GXYLT2: variants seen among roughly 807,000 people sequenced by gnomAD.
GXYLT2 encodes the protein glucoside xylosyltransferase 2.
GXYLT2 carries 53 observed loss-of-function variants against 45.8 expected under a neutral mutation model. The observed-to-expected ratio is 1.16, with a 90% CI of 0.93 to 1.46. The LOEUF (loss-of-function observed/expected upper bound fraction) is 1.46. GXYLT2 is among the 40% of genes most tolerant of loss of function. The pLI is 0.00. For missense variants in GXYLT2, 551 were observed against 544.4 expected (o/e 1.01, Z -0.12); for synonymous variants, 219 against 214.2 (o/e 1.02, Z -0.19).
rs577928431 is a variant in GXYLT2 at position 72,914,073 on chromosome 3, G to T, written c.468+5514G>T. 9.9e-5 allele frequency among the ~76,000 whole-genome samples: 15 copies of T among 152,266 alleles called. 1 individual carries two copies. Among genetic ancestry groups the T allele is most frequent in the African/African-American group, 3.4e-4 (14 of 41,554 alleles). ...TCTCCAGGGCATTGTGGGCAACCCA[G>T]GGTTTTTTTTGGGATAACTTCTGGG... is the stretch of plus-strand genomic sequence containing the variant. On this transcript the variant is annotated intron_variant, in intron 2 of 6. Coordinates refer to ENST00000389617, the MANE Select transcript of GXYLT2 (RefSeq NM_001080393.2).
At chr3:72,961,196 CTG>C (rs1194059709) in intron 5 of GXYLT2, among the ~76,000 whole-genome samples, 2 of 152,164 alleles carry the variant, frequency 1.3e-5, no homozygotes, top group African/African-American at 4.8e-5. Flanking sequence ...GGGTGGAAAA[CTG>C]AGTTCACACT....
chr3:72,911,355 G>A (rs1007924723), intron 2 of GXYLT2, among the ~76,000 whole-genome samples: 4 of 152,166 alleles, frequency 2.6e-5, no homozygotes, highest in African/African-American at 9.7e-5. Flanking sequence ...TTAGCAGGTT[G>A]TACTTTCCAA....
chr3:72,944,013 A>G (rs1710352073), intron 3 of GXYLT2, among the ~76,000 whole-genome samples: 1 of 151,980 alleles, frequency 6.6e-6, no homozygotes, highest in East Asian at 1.9e-4. Context: ...TTATAATTTG[A>G]TTTTTTATAC....
At chr3:72,912,151 C>T (rs1709643110) in intron 2 of GXYLT2, among the ~76,000 whole-genome samples, 1 of 151,586 alleles carries the variant, frequency 6.6e-6, no homozygotes, top group African/African-American at 2.4e-5. Context: ...GCTGGGACTA[C>T]AAACTGCGCC....
At chr3:72,892,936 A>G (rs1207315887) in intron 1 of GXYLT2, among the ~76,000 whole-genome samples, 1 of 152,124 alleles carries the variant, frequency 6.6e-6, no homozygotes, top group Non-Finnish European at 1.5e-5. Flanking sequence ...TCTCAAAAAT[A>G]TGTCCCCAGT....
chr3:72,961,728 G>A (rs1458414581), intron 5 of GXYLT2, among the ~76,000 whole-genome samples: 1 of 149,478 alleles, frequency 6.7e-6, no homozygotes, highest in Admixed American at 6.7e-5. Flanking sequence ...TCTTTAATTT[G>A]GGAGACCACC....
At chr3:72,969,925 A>AAAAC (rs1424168121) in intron 6 of GXYLT2, among the ~76,000 whole-genome samples, 2 of 150,834 alleles carry the variant, frequency 1.3e-5, no homozygotes, top group African/African-American at 4.9e-5. Context: ...AAAAAAACAA[A>AAAAC]AACATTTAAG....
intron 3 of GXYLT2, among the ~76,000 whole-genome samples, chr3:72,945,986 A>G (rs1293129016): frequency 2.0e-5 from 3 of 152,202 alleles, no homozygotes; most frequent in East Asian, 3.9e-4. Flanking sequence ...TAAAGATGCC[A>G]TTTCTTTTGG....
intron 3 of GXYLT2, among the ~76,000 whole-genome samples, chr3:72,936,666 C>CA (rs34142381): frequency 7.2e-5 from 11 of 151,830 alleles, no homozygotes; most frequent in East Asian, 1.9e-4. Flanking sequence ...AAAAAAACAA[C>CA]AAAAAAAAAC....
At chr3:72,900,114 T>A (rs1709374985) in intron 1 of GXYLT2, among the ~76,000 whole-genome samples, 1 of 152,214 alleles carries the variant, frequency 6.6e-6, no homozygotes, top group Non-Finnish European at 1.5e-5. Context: ...CTCACTTTAA[T>A]AATTCAGTGT....
intron 3 of GXYLT2, among the ~76,000 whole-genome samples, chr3:72,935,602 C>T (rs111295054): frequency 0.011 from 1,638 of 152,240 alleles, 27 homozygotes; most frequent in African/African-American, 0.037. Flanking sequence ...ATAATATTAG[C>T]TATCAGAAAG....
At chr3:72,942,272 A>T (rs901962933) in intron 3 of GXYLT2, among the ~76,000 whole-genome samples, 11 of 152,140 alleles carry the variant, frequency 7.2e-5, no homozygotes, top group Admixed American at 7.2e-4. Flanking sequence ...AATTAAAAAA[A>T]TAAATACATA....
intron 2 of GXYLT2, among the ~76,000 whole-genome samples, chr3:72,916,850 T>C (rs1709753925): frequency 6.6e-6 from 1 of 151,760 alleles, no homozygotes; most frequent in Admixed American, 6.6e-5. Context: ...CTTCATTGTA[T>C]CTAGTGTGTT....
At chr3:72,967,383 T>C (rs1710886285) in intron 5 of GXYLT2, among the ~76,000 whole-genome samples, 164 bp from the exon 6 acceptor site, 1 of 152,186 alleles carries the variant, frequency 6.6e-6, no homozygotes, top group Non-Finnish European at 1.5e-5. Flanking sequence ...GATCTCAGAA[T>C]TTTGACAAAT....
intron 3 of GXYLT2, among the ~76,000 whole-genome samples, chr3:72,932,700 A>G (rs1406624569): frequency 2.0e-5 from 3 of 152,246 alleles, no homozygotes; most frequent in African/African-American, 2.4e-5. Flanking sequence ...GAATAGTTAT[A>G]TAACATTTCT....
At chr3:72,919,859 GA>G (rs1229821735) in intron 2 of GXYLT2, among the ~76,000 whole-genome samples, 1 of 152,220 alleles carries the variant, frequency 6.6e-6, no homozygotes, top group Non-Finnish European at 1.5e-5. Context: ...TGTAATGATA[GA>G]TACATGATGT....
rs557194515 is a variant in GXYLT2, at chr3:72,895,908, A to G, written c.275+7400A>G. Among the ~76,000 whole-genome samples the G allele has an allele frequency of 3.0e-4, 45 of 152,344 alleles. No homozygotes were observed. In the South Asian group the frequency reaches 8.7e-3, roughly 29 times the overall value. On this transcript the variant is annotated intron_variant, in intron 1 of 6. Coordinates refer to ENST00000389617, the MANE Select transcript of GXYLT2 (RefSeq NM_001080393.2). Reference sequence around the variant, plus strand: ...AGAGACTGTAATCTCATATGGTACAATTTATAATCCAAGCTTTACATAAGA... The same window carrying G: ...AGAGACTGTAATCTCATATGGTACAGTTTATAATCCAAGCTTTACATAAGA...
chr3:72,939,627 T>C (rs761287728), intron 3 of GXYLT2, among the ~76,000 whole-genome samples: 3 of 151,856 alleles, frequency 2.0e-5, no homozygotes, highest in Non-Finnish European at 4.4e-5. Context: ...TATCTCAAAG[T>C]AGACAATTAG....
chr3:72,952,669 T>C (rs911509106), intron 3 of GXYLT2, among the ~76,000 whole-genome samples: 10 of 152,136 alleles, frequency 6.6e-5, no homozygotes, highest in African/African-American at 2.4e-4. Context: ...ATGGAGCCTC[T>C]TCCTGGCTTG....
Sources: gnomAD v4.1 joint callset for allele counts (sites outside exome capture counted in the v4.1 genomes callset) on GRCh38, gnomAD v4.1.1 for gene constraint, MANE v1.5 for transcripts, NCBI Gene and HGNC (gene_info 2026-07-23, HGNC 2026-07-21) for gene names.